Variants in RAB11FIP4 observed in about 807,000 individuals in gnomAD.
The protein encoded by RAB11FIP4 is RAB11 family interacting protein 4.
RAB11FIP4 carries 23 observed loss-of-function variants against 74.3 expected under a neutral mutation model. The ratio of observed to expected loss-of-function variants is 0.31; its 90% CI spans 0.22 to 0.44. The LOEUF (loss-of-function observed/expected upper bound fraction) is 0.44. Ranked by LOEUF, RAB11FIP4 falls within the 20% of genes least tolerant of loss-of-function variation. The pLI, the probability that RAB11FIP4 is intolerant of heterozygous loss-of-function variation, is 1.00. For synonymous variants in RAB11FIP4, 360 were observed against 359.9 expected (o/e 1.00, Z 0.00); for missense variants, 630 against 863.9 (o/e 0.73, Z 3.39).
chr17:31,521,637 C>G (rs2072667939), intron 5 of RAB11FIP4, among the ~76,000 whole-genome samples: 1 of 152,074 alleles, frequency 6.6e-6, no homozygotes, highest in Non-Finnish European at 1.5e-5. Flanking sequence ...AGCATCCTTC[C>G]AAGTGACCCC....
intron 10 of RAB11FIP4, chr17:31,527,260 C>T (rs984232421): frequency 1.3e-5 from 2 of 152,260 alleles, no homozygotes; most frequent in African/African-American, 4.8e-5. Context: ...AGGATGCATA[C>T]AAGAAGAATC....
chr17:31,402,872 G>T (rs191986997), intron 1 of RAB11FIP4, among the ~76,000 whole-genome samples: 2 of 151,858 alleles, frequency 1.3e-5, no homozygotes, highest in African/African-American at 2.4e-5. Context: ...TGATCCACCC[G>T]CCTTGGCCTC....
intron 3 of RAB11FIP4, among the ~76,000 whole-genome samples, chr17:31,466,812 T>A (rs2071690305): frequency 6.6e-6 from 1 of 152,190 alleles, no homozygotes; most frequent in Non-Finnish European, 1.5e-5. Context: ...GAGCTTCCCT[T>A]AGCCCTCAGA....
intron 1 of RAB11FIP4, among the ~76,000 whole-genome samples, chr17:31,427,313 C>A (rs2151626093): frequency 6.6e-6 from 1 of 152,320 alleles, no homozygotes; most frequent in East Asian, 1.9e-4. Context: ...TTGAAGAGCC[C>A]TGTGGGAGCA....
At chr17:31,495,766 C>T (rs2072104917) in intron 3 of RAB11FIP4, among the ~76,000 whole-genome samples, 1 of 152,224 alleles carries the variant, frequency 6.6e-6, no homozygotes. Flanking sequence ...TGATTATCTG[C>T]ACGATTGCAT....
Position 31,521,942 on chromosome 17 carries a change from G to A in RAB11FIP4, c.786G>A (p.Arg262=). The part of the protein sequence containing the change: ...SSAGQTPRKM[R]HVYNSELLDV... Reference sequence around the variant, plus strand: ...CGGGGCAGACGCCTAGGAAAATGCGGCACGTGTACAACAGCGAATTGCTAG... The same window carrying A: ...CGGGGCAGACGCCTAGGAAAATGCGACACGTGTACAACAGCGAATTGCTAG... The change falls in exon 6 of 15, where the codon CGG becomes CGA. Residue 262 remains arginine, a synonymous_variant. Transcript: ENST00000621161. 4 of 1,614,184 alleles carry A rather than the reference G, an allele frequency of 2.5e-6. No individual in the cohort carries two copies. Among genetic ancestry groups the A allele is most frequent in the Non-Finnish European group, 3.4e-6 (4 of 1,180,038 alleles).
intron 3 of RAB11FIP4, among the ~76,000 whole-genome samples, chr17:31,490,720 A>ATTTTTG (rs1555547347): frequency 3.3e-5 from 5 of 151,964 alleles, no homozygotes; most frequent in Admixed American, 2.6e-4. Context: ...CATCTGGCTA[A>ATTTTTG]TTTTTGTTTT....
intron 1 of RAB11FIP4, among the ~76,000 whole-genome samples, chr17:31,402,574 G>A (rs1292673127): frequency 6.6e-6 from 1 of 150,936 alleles, no homozygotes; most frequent in Non-Finnish European, 1.5e-5. Context: ...TGAAAAATGT[G>A]AAGGCTCAGA....
intron 1 of RAB11FIP4, among the ~76,000 whole-genome samples, chr17:31,412,546 A>G (rs1230059677): frequency 6.6e-6 from 1 of 152,230 alleles, no homozygotes; most frequent in Non-Finnish European, 1.5e-5. Context: ...TCTGGGTCCC[A>G]CTTGCTTCAT....
intron 3 of RAB11FIP4, among the ~76,000 whole-genome samples, chr17:31,503,372 T>A (rs2072257754): frequency 6.7e-6 from 1 of 149,588 alleles, no homozygotes; most frequent in Non-Finnish European, 1.5e-5. Flanking sequence ...ACAAATACAG[T>A]CACATTCTGA....
chr17:31,471,700 C>T (rs570570490), intron 3 of RAB11FIP4, among the ~76,000 whole-genome samples: 57 of 152,178 alleles, frequency 3.7e-4, no homozygotes, highest in African/African-American at 1.4e-3. Context: ...AGAAGCAGCT[C>T]CCGAGCTCTC....
intron 3 of RAB11FIP4, among the ~76,000 whole-genome samples, chr17:31,502,090 G>T (rs2072232377): frequency 6.6e-6 from 1 of 152,052 alleles, no homozygotes; most frequent in East Asian, 1.9e-4. Context: ...CAGGCGTGGT[G>T]GTGGGCACCT....
At chr17:31,433,086 C>T (rs1016342534) in intron 2 of RAB11FIP4, among the ~76,000 whole-genome samples, 1 of 152,142 alleles carries the variant, frequency 6.6e-6, no homozygotes, top group Non-Finnish European at 1.5e-5. Flanking sequence ...GTTGAGGCTG[C>T]AGTGAGCTGA....
intron 14 of RAB11FIP4, among the ~76,000 whole-genome samples, 167 bp from the exon 15 acceptor site, chr17:31,531,449 C>G (rs1567696987): frequency 1.3e-5 from 2 of 152,316 alleles, no homozygotes; most frequent in African/African-American, 2.4e-5. Flanking sequence ...CACTTCGACT[C>G]TGGTCCTGGC....
At chr17:31,471,810 TG>T (rs2071739848) in intron 3 of RAB11FIP4, among the ~76,000 whole-genome samples, 1 of 152,114 alleles carries the variant, frequency 6.6e-6, no homozygotes. Context: ...GGCCTGGATG[TG>T]TGTCTGAAAC....
intron 13 of RAB11FIP4, among the ~76,000 whole-genome samples, 191 bp from the exon 14 acceptor site, chr17:31,530,135 A>G (rs778215653): frequency 1.3e-5 from 2 of 152,206 alleles, no homozygotes; most frequent in Non-Finnish European, 2.9e-5. Context: ...CCCCTGGACC[A>G]GGACCCAGCC....
At chr17:31,466,257 T>A (rs2071685440) in intron 3 of RAB11FIP4, among the ~76,000 whole-genome samples, 1 of 152,096 alleles carries the variant, frequency 6.6e-6, no homozygotes, top group Non-Finnish European at 1.5e-5. Context: ...GACAGTGTCA[T>A]GTTGTGGTTA....
intron 3 of RAB11FIP4, among the ~76,000 whole-genome samples, chr17:31,462,281 C>CAA (rs111709214): frequency 1.8e-4 from 26 of 143,966 alleles, no homozygotes; most frequent in African/African-American, 5.7e-4. Flanking sequence ...AAACAAAAAA[C>CAA]AAAAAAAAAA....
intron 1 of RAB11FIP4, among the ~76,000 whole-genome samples, chr17:31,421,229 TC>T (rs2151623747): frequency 1.3e-5 from 2 of 149,190 alleles, no homozygotes; most frequent in South Asian, 4.3e-4. Flanking sequence ...TCTTTTCTTT[TC>T]TTTTTTTTTG....
Sources: allele counts gnomAD v4.1 joint callset (sites outside exome capture counted in the v4.1 genomes callset), GRCh38; gene constraint gnomAD v4.1.1; transcripts MANE v1.5; gene names NCBI Gene and HGNC (gene_info 2026-07-23, HGNC 2026-07-21).